Variants in CD163L1 observed in about 807,000 individuals in gnomAD.
CD163L1 encodes CD163 molecule like 1.
CD163L1 carries 124 observed loss-of-function variants against 165.4 expected under a neutral mutation model. That is an observed-to-expected ratio of 0.75 (90% confidence interval 0.65 to 0.87). CD163L1 has a LOEUF of 0.87. Ranked by LOEUF, CD163L1 falls within the 40% of genes least tolerant of loss-of-function variation. CD163L1 has a pLI of 0.00. For missense variants in CD163L1, 1,525 were observed against 1,799.9 expected, an observed-to-expected ratio of 0.85 and a Z score of 2.76; for synonymous variants, 585 against 662.2, an observed-to-expected ratio of 0.88 and a Z score of 1.79.
chr12:7,393,867 T>A (rs1043371339), intron 8 of CD163L1, among the ~76,000 whole-genome samples: 2 of 152,104 alleles, frequency 1.3e-5, no homozygotes, highest in Non-Finnish European at 2.9e-5. Context: ...TTACAAGGGA[T>A]GTGAAGGACT....
intron 4 of CD163L1, among the ~76,000 whole-genome samples, chr12:7,425,423 G>A (rs1043633241): frequency 2.6e-5 from 4 of 152,206 alleles, no homozygotes; most frequent in African/African-American, 9.6e-5. Context: ...TATAGGCACG[G>A]GCAAAGACTT....
At chr12:7,439,450 T>G (rs752381261) in intron 2 of CD163L1, 3 of 1,585,624 alleles carry the variant, frequency 1.9e-6, no homozygotes, top group African/African-American at 1.4e-5. Context: ...TTTGGACTTG[T>G]CTTTTAGCTT....
intron 5 of CD163L1, among the ~76,000 whole-genome samples, chr12:7,406,278 G>C (rs983962874): frequency 2.6e-5 from 4 of 152,090 alleles, no homozygotes; most frequent in Non-Finnish European, 5.9e-5. Context: ...GCACCAATTA[G>C]AATTAAGTAA....
At chr12:7,427,094 G>A (rs1006809091) in intron 4 of CD163L1, among the ~76,000 whole-genome samples, 7 of 152,036 alleles carry the variant, frequency 4.6e-5, no homozygotes, top group Admixed American at 2.6e-4. Context: ...ATAGTAATAC[G>A]TAATAGTAGG....
rs1947071797 is a variant in CD163L1 at position 7,368,598 on chromosome 12, C to A, written c.4072+335G>T. On this transcript the variant is annotated intron_variant, in intron 16 of 19. Transcript: ENST00000313599. This position sits in a 1 kb window ranked among gnomAD's most constrained non-coding sequence, Gnocchi z 4.3. ...GCTGAGTGTACTGGCACGATCTCGG[C>A]TCACTGCAATCTCTGCTTCCTGGGT... is the stretch of plus-strand genomic sequence containing the variant. Among the ~76,000 whole-genome samples, 3 of 150,568 alleles carry A rather than the reference C, an allele frequency of 2.0e-5. No individual in the cohort carries two copies. The highest frequency in any genetic ancestry group is 2.0e-4 in the Admixed American group (3 of 15,092).
At chr12:7,399,325 CTCT>C (rs759944493) in intron 6 of CD163L1, among the ~76,000 whole-genome samples, 91 of 132,612 alleles carry the variant, frequency 6.9e-4, no homozygotes, top group Non-Finnish European at 9.5e-4. Context: ...TTTCTTCTCT[CTCT>C]TCTTTCATTC....
intron 8 of CD163L1, among the ~76,000 whole-genome samples, chr12:7,383,543 T>C (rs1184684380): frequency 6.6e-6 from 1 of 152,164 alleles, no homozygotes. Flanking sequence ...TGCTTGCATA[T>C]GCCACCTAGG....
chr12:7,329,336 A>ATTTTTTTTTTTTTTTTTT, the CD163L1 span, among the ~76,000 whole-genome samples: 1 of 139,082 alleles, frequency 7.2e-6, no homozygotes, highest in African/African-American at 2.7e-5. Context: ...ACCATATTTA[A>ATTTTTTTTTTTTTTTTTT]TTTTTTTTTC....
intron 2 of CD163L1, chr12:7,439,745 C>T: frequency 2.5e-6 from 4 of 1,612,260 alleles, no homozygotes; most frequent in Non-Finnish European, 3.4e-6. Context: ...GATGTATAGC[C>T]TTTCCAGCGA....
Position 7,374,006 on chromosome 12 carries a change from T to C in CD163L1, c.3410-366A>G, listed in dbSNP as rs915957171. Among the ~76,000 whole-genome samples, 1 of 152,236 alleles carries C rather than the reference T, an allele frequency of 6.6e-6. No homozygotes were observed. The highest frequency in any genetic ancestry group is 2.4e-5 in the African/African-American group (1 of 41,454). On this transcript the variant is annotated intron_variant, in intron 13 of 19. Coordinates refer to ENST00000313599, the MANE Select transcript of CD163L1 (RefSeq NM_174941.6). The surrounding 1 kb of genome is among the most constrained non-coding windows in gnomAD (Gnocchi z 5.4). ...GTTATGGGTTCTTAGTTTCTGCTTC[T>C]GGTCAGGTTAGTAAAGACCCTTCCT...
At chr12:7,360,292 A>G (rs1466176551) in intron 18 of CD163L1, among the ~76,000 whole-genome samples, 1 of 151,882 alleles carries the variant, frequency 6.6e-6, no homozygotes, top group Non-Finnish European at 1.5e-5. Flanking sequence ...ACAGGTGCCC[A>G]CTAACACACC....
chr12:7,424,256 G>T (rs960642572), intron 4 of CD163L1, among the ~76,000 whole-genome samples: 4 of 147,404 alleles, frequency 2.7e-5, no homozygotes, highest in African/African-American at 5.1e-5. Flanking sequence ...ATGCAGAAAA[G>T]GTCTTCAATA....
intron 4 of CD163L1, among the ~76,000 whole-genome samples, chr12:7,426,278 C>T (rs1372138884): frequency 1.3e-5 from 2 of 152,064 alleles, no homozygotes; most frequent in Non-Finnish European, 2.9e-5. Flanking sequence ...ACATCAGACA[C>T]TTGGGCATGT....
intron 4 of CD163L1, among the ~76,000 whole-genome samples, chr12:7,428,180 C>A (rs1948574977): frequency 6.6e-6 from 1 of 151,888 alleles, no homozygotes; most frequent in Non-Finnish European, 1.5e-5. Context: ...GCCAAGATAT[C>A]CCCTTTATGG....
chr12:7,424,452 C>T (rs1293283119), intron 4 of CD163L1, among the ~76,000 whole-genome samples: 3 of 152,204 alleles, frequency 2.0e-5, no homozygotes, highest in Non-Finnish European at 2.9e-5. Flanking sequence ...TCTCTCACCA[C>T]TCCTATTCAA....
At chr12:7,357,961 A>G (rs911405932) in intron 18 of CD163L1, among the ~76,000 whole-genome samples, 1 of 152,196 alleles carries the variant, frequency 6.6e-6, no homozygotes, top group Non-Finnish European at 1.5e-5. Flanking sequence ...GCATCTTTTA[A>G]GAGTAATTAT....
At chr12:7,439,310 T>A (rs1159720130) in intron 2 of CD163L1, 1 of 1,569,910 alleles carries the variant, frequency 6.4e-7, no homozygotes, top group Non-Finnish European at 8.7e-7. Context: ...TTTTTAACTT[T>A]AATTCCTTTG....
At chr12:7,440,050 G>C (rs1948799947) in intron 2 of CD163L1, 1 of 1,211,372 alleles carries the variant, frequency 8.3e-7, no homozygotes, top group African/African-American at 1.5e-5. Context: ...GCAGCTCCTC[G>C]CGTTCCGCGC....
intron 8 of CD163L1, among the ~76,000 whole-genome samples, chr12:7,390,409 A>C (rs757480202): frequency 5.3e-5 from 8 of 152,294 alleles, no homozygotes; most frequent in Admixed American, 4.6e-4. Context: ...GATATCCTAA[A>C]TACCCTGAGT....
Sources: gnomAD v4.1 joint callset for allele counts (sites outside exome capture counted in the v4.1 genomes callset) on GRCh38, gnomAD v4.1.1 for gene constraint, Gnocchi (gnomAD v3.1) non-coding constraint, MANE v1.5 for transcripts, NCBI Gene and HGNC (gene_info 2026-07-23, HGNC 2026-07-21) for gene names.